Variants in ATXN1 observed in about 807,000 individuals in gnomAD.
ATXN1 encodes the protein ataxin-1.
In ATXN1, 8 loss-of-function variants were observed where a neutral mutation model predicts 56.4. That is an observed-to-expected ratio of 0.14 (90% CI 0.08 to 0.26). The LOEUF (loss-of-function observed/expected upper bound fraction) is 0.26. Among genes scored for constraint, ATXN1 ranks in the 10% least tolerant of loss-of-function variants. The probability of loss-of-function intolerance (pLI) is 1.00; values close to 1 mark genes in which losing one functional copy is unlikely to be tolerated. For missense variants in ATXN1, 987 were observed against 1,106.5 expected (o/e 0.89, Z 1.53); for synonymous variants, 514 against 494.6 (o/e 1.04, Z -0.52).
At chr6:16,403,201 G>C (rs1004763458) in intron 6 of ATXN1, among the ~76,000 whole-genome samples, 1 of 152,132 alleles carries the variant, frequency 6.6e-6, no homozygotes, top group Non-Finnish European at 1.5e-5. Context: ...CCCAAACCTA[G>C]CAGACCAAGT....
At chr6:16,651,595 G>A (rs1322706436) in intron 3 of ATXN1, among the ~76,000 whole-genome samples, 1 of 151,566 alleles carries the variant, frequency 6.6e-6, no homozygotes, top group Admixed American at 6.6e-5. Flanking sequence ...ATGAAGCAGA[G>A]GAAGAGGAGG....
At chr6:16,532,822 C>T (rs1761530885) in intron 4 of ATXN1, among the ~76,000 whole-genome samples, 1 of 152,094 alleles carries the variant, frequency 6.6e-6, no homozygotes. Context: ...GTGAAAAATA[C>T]CATGATGGTT....
chr6:16,576,958 G>C (rs72825527), intron 4 of ATXN1, among the ~76,000 whole-genome samples: 3,507 of 152,270 alleles, frequency 0.023, 60 homozygotes, highest in Non-Finnish European at 0.034. Flanking sequence ...GTGATTAAGA[G>C]AGAAGCTAAT....
chr6:16,408,740 A>G (rs1758737495), intron 6 of ATXN1, among the ~76,000 whole-genome samples: 2 of 152,220 alleles, frequency 1.3e-5, no homozygotes, highest in Non-Finnish European at 2.9e-5. Flanking sequence ...GTTTAATTCC[A>G]ATTTTAAAAA....
chr6:16,595,462 G>C (rs761661963), intron 3 of ATXN1, among the ~76,000 whole-genome samples: 1 of 152,200 alleles, frequency 6.6e-6, no homozygotes, highest in Non-Finnish European at 1.5e-5. Context: ...ACGATAAAAC[G>C]GACAGAATGT....
rs11415112 is a variant in ATXN1, at chr6:16,322,408, TG to T, written c.1917+3985del. 3.3e-5 allele frequency among the ~76,000 whole-genome samples: 5 copies of T among 152,066 alleles called. No homozygotes were observed. The South Asian group carries it at 6.2e-4, about 19-fold the overall frequency. On this transcript the variant is annotated intron_variant, in intron 7 of 7. Transcript: ENST00000436367. The stretch of plus-strand genomic sequence containing the variant: ...ACTGCTTTCCCTGGGGGTGTGATGT[TG>T]GGGGGGTCTTATGAGTTCAGGCATC...
intron 4 of ATXN1, among the ~76,000 whole-genome samples, chr6:16,539,154 A>T (rs1761664394): frequency 6.6e-6 from 1 of 152,182 alleles, no homozygotes; most frequent in African/African-American, 2.4e-5. Context: ...ACTCTTAATC[A>T]CAGGGCTAAT....
At chr6:16,479,609 A>G (rs576759934) in intron 6 of ATXN1, among the ~76,000 whole-genome samples, 1 of 152,226 alleles carries the variant, frequency 6.6e-6, no homozygotes, top group Non-Finnish European at 1.5e-5. Context: ...TTAAGAACCA[A>G]TAGATTTTGT....
intron 6 of ATXN1, among the ~76,000 whole-genome samples, chr6:16,450,959 C>T (rs563594168): frequency 3.3e-4 from 51 of 152,302 alleles, no homozygotes; most frequent in African/African-American, 1.2e-3. Context: ...GGGGTTAGAA[C>T]AAAGATTAAA....
intron 3 of ATXN1, among the ~76,000 whole-genome samples, chr6:16,645,888 C>T (rs562755889): frequency 4.6e-5 from 7 of 152,292 alleles, no homozygotes; most frequent in African/African-American, 1.4e-4. Flanking sequence ...TACTGACAGT[C>T]TAATACCACT....
chr6:16,307,415 T>G (rs1243436419), intron 7 of ATXN1, among the ~76,000 whole-genome samples: 3 of 152,090 alleles, frequency 2.0e-5, no homozygotes, highest in Non-Finnish European at 4.4e-5. Context: ...ATGCCTGTAA[T>G]CCCAGCACTT....
chr6:16,631,615 T>A (rs942728555), intron 3 of ATXN1, among the ~76,000 whole-genome samples: 1 of 152,206 alleles, frequency 6.6e-6, no homozygotes, highest in African/African-American at 2.4e-5. Flanking sequence ...TTGCCACTCC[T>A]CATTCACATC....
At chr6:16,660,543 A>G (rs1758294704) in intron 2 of ATXN1, among the ~76,000 whole-genome samples, 1 of 152,234 alleles carries the variant, frequency 6.6e-6, no homozygotes, top group African/African-American at 2.4e-5. Flanking sequence ...GGACTTTTAA[A>G]TGTAAGTCAC....
intron 1 of ATXN1, among the ~76,000 whole-genome samples, chr6:16,756,736 G>T (rs1760898845): frequency 6.6e-6 from 1 of 152,170 alleles, no homozygotes; most frequent in African/African-American, 2.4e-5. Context: ...AAGCTGTTCA[G>T]ATCCTAATCT....
chr6:16,546,389 C>T (rs1561749055), intron 4 of ATXN1, among the ~76,000 whole-genome samples: 1 of 152,198 alleles, frequency 6.6e-6, no homozygotes, highest in Non-Finnish European at 1.5e-5. Flanking sequence ...TGTGATGAGG[C>T]AGGGCTGGAG....
intron 2 of ATXN1, among the ~76,000 whole-genome samples, chr6:16,700,315 G>A (rs1759255046): frequency 6.6e-6 from 1 of 152,106 alleles, no homozygotes; most frequent in Non-Finnish European, 1.5e-5. Flanking sequence ...CATCTGGGGT[G>A]CAGAAAAGAT....
In ATXN1 at chr6:16,327,607, G is replaced by T; in HGVS notation, c.704C>A (p.Thr235Asn). 2 of 1,592,302 alleles carry T rather than the reference G, an allele frequency of 1.3e-6. No homozygotes were observed. Among genetic ancestry groups the T allele is most frequent in the Non-Finnish European group, 1.7e-6 (2 of 1,170,662 alleles). ...QHLSRAPGLITPGSPPPAQQN... is the reference protein window; with the variant it reads ...QHLSRAPGLINPGSPPPAQQN... Reference sequence around the variant, plus strand: ...CTGGGCTGGTGGGGGGGACCCCGGGGTGATGAGCCCCGGAGCCCTGCTGAG... The same window carrying T: ...CTGGGCTGGTGGGGGGGACCCCGGGTTGATGAGCCCCGGAGCCCTGCTGAG... Residue 235 changes from threonine to asparagine, a missense_variant, in exon 7 of 8, where the codon ACC (threonine) becomes AAC (asparagine). By Grantham distance (65) the Thr-to-Asn change is moderately conservative (BLOSUM62 0). Coordinates refer to ENST00000436367, the MANE Select transcript of ATXN1 (RefSeq NM_001128164.2).
intron 3 of ATXN1, among the ~76,000 whole-genome samples, chr6:16,638,382 G>A (rs548896176): frequency 6.6e-6 from 1 of 150,840 alleles, no homozygotes; most frequent in Non-Finnish European, 1.5e-5. Flanking sequence ...GGAGGTTGAG[G>A]CTGCAGTGAG....
chr6:16,384,777 T>C (rs1221453096), intron 6 of ATXN1, among the ~76,000 whole-genome samples: 1 of 152,220 alleles, frequency 6.6e-6, no homozygotes, highest in Non-Finnish European at 1.5e-5. Flanking sequence ...TCTGCCATGA[T>C]TGTAAGTTTC....
Sources: gnomAD v4.1 joint callset for allele counts (sites outside exome capture counted in the v4.1 genomes callset) on GRCh38, gnomAD v4.1.1 for gene constraint, MANE v1.5 for transcripts, NCBI Gene and HGNC (gene_info 2026-07-23, HGNC 2026-07-21) for gene names.